The following CDH13 variants were observed in gnomAD, a reference collection of about 807,000 sequenced individuals.
The protein encoded by CDH13 is cadherin 13.
Under a neutral mutation model 63.8 loss-of-function variants are expected in CDH13, and 24 were observed. The ratio of observed to expected loss-of-function variants is 0.38; its 90% CI spans 0.27 to 0.53. The LOEUF (loss-of-function observed/expected upper bound fraction) is 0.53, where lower values mean the gene tolerates loss of function less well. Among genes scored for constraint, CDH13 ranks in the 20% least tolerant of loss-of-function variants. CDH13 has a pLI of 0.85. For synonymous variants in CDH13, 503 were observed against 355.3 expected (o/e 1.42, Z -4.67); for missense variants, 1,049 against 903.1 (o/e 1.16, Z -2.07).
chr16:82,823,598 A>G (rs567001299), intron 1 of CDH13: 88 of 152,338 alleles, frequency 5.8e-4, no homozygotes, highest in African/African-American at 2.1e-3. Context: ...TCCATTAAAG[A>G]CAATTGAAAA....
chr16:83,185,806 T>C (rs1597483226), intron 4 of CDH13, among the ~76,000 whole-genome samples: 1 of 152,314 alleles, frequency 6.6e-6, no homozygotes, highest in African/African-American at 2.4e-5. Flanking sequence ...AACAGCTCAT[T>C]CCACATTCTC....
intron 3 of CDH13, among the ~76,000 whole-genome samples, chr16:83,045,163 T>A (rs1371813432): frequency 2.0e-5 from 3 of 152,106 alleles, no homozygotes; most frequent in Non-Finnish European, 4.4e-5. Flanking sequence ...CTCAAAGTAG[T>A]TAGCAATAAA....
chr16:82,754,454 C>G (rs146761290), intron 1 of CDH13, among the ~76,000 whole-genome samples: 2 of 152,140 alleles, frequency 1.3e-5, no homozygotes, highest in Non-Finnish European at 2.9e-5. Flanking sequence ...TTGGAACCTG[C>G]CTTTCTAACC....
intron 3 of CDH13, among the ~76,000 whole-genome samples, chr16:83,072,690 C>G (rs1597274454): frequency 6.6e-6 from 1 of 152,116 alleles, no homozygotes; most frequent in Non-Finnish European, 1.5e-5. Flanking sequence ...TTGATCTGTG[C>G]ATGGAGCAAT....
chr16:82,738,652 C>T (rs1358517248), intron 1 of CDH13, among the ~76,000 whole-genome samples: 4 of 152,224 alleles, frequency 2.6e-5, no homozygotes, highest in Non-Finnish European at 5.9e-5. Flanking sequence ...TGACCTCATG[C>T]CAGTATCTAC....
rs528160212 is a variant in CDH13, at chr16:83,021,698, T to G, written c.158-10312T>G. On this transcript the variant is annotated intron_variant, in intron 2 of 13. Transcript: ENST00000567109. ...AGCATGGAATGGAATTAAGACTGTT[T>G]TATGTTTGTTCTGCACTTACCAAAT... 3.9e-5 allele frequency among the ~76,000 whole-genome samples: 6 copies of G among 152,338 alleles called. No homozygotes were observed. The South Asian group carries it at 1.0e-3, about 26-fold the overall frequency.
intron 5 of CDH13, among the ~76,000 whole-genome samples, chr16:83,243,203 G>A (rs559160918): frequency 6.6e-6 from 1 of 152,192 alleles, no homozygotes; most frequent in Non-Finnish European, 1.5e-5. Flanking sequence ...ATCTATGGCT[G>A]TACTAGTCTG....
At chr16:83,472,291 C>G (rs1038843922) in intron 6 of CDH13, among the ~76,000 whole-genome samples, 3 of 152,216 alleles carry the variant, frequency 2.0e-5, no homozygotes, top group Non-Finnish European at 4.4e-5. Context: ...TATTGTGAGT[C>G]TGGATGGGAG....
At chr16:83,073,475 T>C (rs940732108) in intron 3 of CDH13, among the ~76,000 whole-genome samples, 2 of 152,070 alleles carry the variant, frequency 1.3e-5, no homozygotes, top group Admixed American at 1.3e-4. Context: ...TGCTGTTTAA[T>C]AACCTATCAC....
intron 8 of CDH13, among the ~76,000 whole-genome samples, chr16:83,652,266 G>T (rs1031111650): frequency 6.6e-6 from 1 of 152,226 alleles, no homozygotes; most frequent in Admixed American, 6.5e-5. Context: ...AGTCAATTCC[G>T]TGTATGAATT....
chr16:82,681,440 G>C (rs975465855), intron 1 of CDH13, among the ~76,000 whole-genome samples: 1 of 152,218 alleles, frequency 6.6e-6, no homozygotes, highest in African/African-American at 2.4e-5. Context: ...TGGTTGCACA[G>C]CATTGATAGT....
intron 3 of CDH13, among the ~76,000 whole-genome samples, chr16:83,085,159 G>A (rs1375100149): frequency 1.3e-5 from 2 of 151,868 alleles, no homozygotes; most frequent in African/African-American, 4.8e-5. Context: ...CATGGCTGGG[G>A]AGGCCCTAGA....
intron 4 of CDH13, among the ~76,000 whole-genome samples, chr16:83,150,800 A>G (rs2036946886): frequency 6.6e-6 from 1 of 152,176 alleles, no homozygotes; most frequent in Non-Finnish European, 1.5e-5. Context: ...CTGGATTTCA[A>G]CCTTTTCTTC....
At chr16:83,533,321 C>T (rs894444368) in intron 7 of CDH13, among the ~76,000 whole-genome samples, 2 of 152,156 alleles carry the variant, frequency 1.3e-5, no homozygotes, top group Admixed American at 6.5e-5. Context: ...CACCACTGAG[C>T]GGAAGATAAA....
At chr16:83,494,783 C>G (rs530135119) in intron 7 of CDH13, among the ~76,000 whole-genome samples, 2 of 152,164 alleles carry the variant, frequency 1.3e-5, no homozygotes, top group Non-Finnish European at 2.9e-5. Flanking sequence ...ATCCACATTT[C>G]TTTCACTTTT....
At chr16:83,355,145 A>C (rs555417734) in intron 6 of CDH13, among the ~76,000 whole-genome samples, 1 of 152,162 alleles carries the variant, frequency 6.6e-6, no homozygotes, top group Non-Finnish European at 1.5e-5. Flanking sequence ...GTGGAGAGAG[A>C]AATAGGGAAA....
In CDH13 at chr16:83,080,881, T is replaced by TTTTTG. The variant is rs1555579077; in HGVS notation, c.367-44500_367-44499insGTTTT. ...TTGTTTTGTTTTTGTGTTTTTTTTT[T>TTTTTG]TTTTTTTTTTTTTTTTTGAGACAGA... is the stretch of plus-strand genomic sequence containing the variant. On this transcript the variant is annotated intron_variant, in intron 3 of 13. Coordinates refer to ENST00000567109, the MANE Select transcript of CDH13 (RefSeq NM_001257.5). Among the ~76,000 whole-genome samples, 134 of 110,736 alleles carry TTTTTG rather than the reference T, an allele frequency of 1.2e-3. 5 individuals are homozygous for TTTTTG. Among genetic ancestry groups the TTTTTG allele is most frequent in the African/African-American group, 5.0e-3 (127 of 25,560 alleles). The allele number at this position is 110,736 out of a possible 152,430, so 72.6% of individuals were successfully genotyped here. A position where few individuals can be genotyped will look rare whatever the true frequency, so the allele number is the denominator to read the frequency against.
intron 4 of CDH13, among the ~76,000 whole-genome samples, chr16:83,212,132 C>A (rs2039356010): frequency 6.6e-6 from 1 of 152,168 alleles, no homozygotes; most frequent in African/African-American, 2.4e-5. Context: ...TCAGCTGCTG[C>A]AGCTGTGGAG....
intron 1 of CDH13, among the ~76,000 whole-genome samples, chr16:82,627,670 C>G (rs974026727): frequency 5.3e-5 from 8 of 152,078 alleles, no homozygotes; most frequent in African/African-American, 4.8e-5. Flanking sequence ...CCCGGCTGCC[C>G]GCTGGAAGGC....
Sources: allele counts gnomAD v4.1 joint callset (sites outside exome capture counted in the v4.1 genomes callset), GRCh38; gene constraint gnomAD v4.1.1; transcripts MANE v1.5; gene names NCBI Gene and HGNC (gene_info 2026-07-23, HGNC 2026-07-21).